Variants in GCNT1 observed in about 807,000 individuals in gnomAD.
The protein encoded by GCNT1 is beta-1,3-galactosyl-O-glycosyl-glycoprotein beta-1,6-N-acetylglucosaminyltransferase.
In GCNT1, 16 loss-of-function variants were observed where a neutral mutation model predicts 26.2. That is an observed-to-expected ratio of 0.61 (90% CI 0.41 to 0.93). The LOEUF (loss-of-function observed/expected upper bound fraction) is 0.93. GCNT1 is among the 40% of genes least tolerant of loss of function. GCNT1 has a pLI of 0.00. For missense variants in GCNT1, 477 were observed against 526.7 expected (o/e 0.91, Z 0.92); for synonymous variants, 183 against 190.8 (o/e 0.96, Z 0.34).
chr9:76,425,137 TAAAAA>T (rs1194003045), intron 1 of GCNT1, among the ~76,000 whole-genome samples: 6 of 73,034 alleles, frequency 8.2e-5, no homozygotes, highest in African/African-American at 5.6e-5. Context: ...AAACTCCGTC[TAAAAA>T]AAAAAAAAAA....
intron 2 of GCNT1, among the ~76,000 whole-genome samples, chr9:76,462,290 A>G (rs1427140632): frequency 6.6e-6 from 1 of 152,206 alleles, no homozygotes; most frequent in Admixed American, 6.5e-5. Flanking sequence ...CTGTTCATAT[A>G]ACCATATGTG....
rs531143296 is a variant in GCNT1, at chr9:76,475,480, C to T, written c.-290+15303C>T. 2.6e-5 allele frequency among the ~76,000 whole-genome samples: 4 copies of T among 152,334 alleles called. 1 individual carries two copies. In the South Asian group the frequency reaches 8.3e-4, roughly 32 times the overall value. On this transcript the variant is annotated intron_variant, in intron 2 of 3. Coordinates refer to ENST00000376730, the MANE Select transcript of GCNT1 (RefSeq NM_001490.5). Reference sequence around the variant, plus strand: ...ACAAAGCATCCAAGATGCTGCCCTACATTTTTTGGGAGAAAGGAAGTGGAT... The same window carrying T: ...ACAAAGCATCCAAGATGCTGCCCTATATTTTTTGGGAGAAAGGAAGTGGAT...
chr9:76,433,967 T>C (rs1823371123), intron 1 of GCNT1, among the ~76,000 whole-genome samples: 1 of 152,170 alleles, frequency 6.6e-6, no homozygotes. Context: ...TTCAAAGTTA[T>C]ATAAAAATAA....
chr9:76,443,086 G>A (rs963181882), intron 1 of GCNT1, among the ~76,000 whole-genome samples: 1 of 152,100 alleles, frequency 6.6e-6, no homozygotes, highest in African/African-American at 2.4e-5. Flanking sequence ...TAGAGGCCAG[G>A]TTCAATGGCT....
At chr9:76,491,273 C>T (rs1297148349) in intron 2 of GCNT1, among the ~76,000 whole-genome samples, 1 of 151,856 alleles carries the variant, frequency 6.6e-6, no homozygotes, top group Non-Finnish European at 1.5e-5. Context: ...CTGGTCTTTC[C>T]CTGCCTCTGC....
chr9:76,487,688 G>T lies in GCNT1; in HGVS notation c.-289-13228G>T, dbSNP rs558344807. ...GGGATTCTCTTTTTTTTCTTCTTCG[G>T]TTAGATCTCCTTTCTGATTCTTACA... On this transcript the variant is annotated intron_variant, in intron 2 of 3. Transcript: ENST00000376730. Among the ~76,000 whole-genome samples the T allele has an allele frequency of 1.5e-3, 227 of 152,034 alleles. 8 individuals carry two copies. The South Asian group carries it at 0.045, about 30-fold the overall frequency.
the GCNT1 span, among the ~76,000 whole-genome samples, chr9:76,408,636 C>T: frequency 2.0e-5 from 3 of 152,082 alleles, no homozygotes; most frequent in Non-Finnish European, 4.4e-5. Flanking sequence ...TAGGATAATG[C>T]TGGTCTCATA....
chr9:76,445,487 A>T (rs6560523), intron 1 of GCNT1, among the ~76,000 whole-genome samples: 13,376 of 151,944 alleles, frequency 0.088, 705 homozygotes, highest in East Asian at 0.14. Flanking sequence ...TCTTGGGCTC[A>T]AGCGATTCTT....
At chr9:76,443,910 GAAGAAAGGAAGAAAGGAAGA>G (rs1823524103) in intron 1 of GCNT1, among the ~76,000 whole-genome samples, 4 of 55,190 alleles carry the variant, frequency 7.2e-5, no homozygotes, top group African/African-American at 2.9e-4. Context: ...AGGAAGAAAG[GAAGAAAGGAAGAAAGGAAGA>G]AAGGAAGGAA....
chr9:76,436,187 G>A (rs1823407052), intron 1 of GCNT1, among the ~76,000 whole-genome samples: 1 of 151,270 alleles, frequency 6.6e-6, no homozygotes, highest in African/African-American at 2.4e-5. Context: ...CCTGACCTCA[G>A]GTGATCCACC....
At chr9:76,431,769 G>A (rs968597125) in intron 1 of GCNT1, among the ~76,000 whole-genome samples, 1 of 152,096 alleles carries the variant, frequency 6.6e-6, no homozygotes, top group South Asian at 2.1e-4. Flanking sequence ...AGCCATCCAA[G>A]AGCCTGCCAT....
At chr9:76,399,264 T>C in the GCNT1 span, 10 of 1,454,270 alleles carry the variant, frequency 6.9e-6, no homozygotes, top group East Asian at 1.6e-4. Context: ...TGTAGCACGA[T>C]TTCCTATGAC....
chr9:76,438,799 G>GA (rs113875725), upstream of GCNT1, among the ~76,000 whole-genome samples: 20,297 of 134,826 alleles, frequency 0.15, 2,092 homozygotes, highest in African/African-American at 0.3. Flanking sequence ...TAGCCAATGA[G>GA]AAAAAAAAAA....
intron 1 of GCNT1, among the ~76,000 whole-genome samples, chr9:76,454,109 G>A (rs141906297): frequency 1.1e-3 from 162 of 152,062 alleles, no homozygotes; most frequent in African/African-American, 3.7e-3. Flanking sequence ...GGCTGAGTGC[G>A]GTGGCTCATG....
chr9:76,421,689 G>GTTTTTTTTTT (rs1182829928), intron 1 of GCNT1, among the ~76,000 whole-genome samples: 1 of 74,766 alleles, frequency 1.3e-5, no homozygotes, highest in Non-Finnish European at 2.3e-5. Context: ...TTTGTAGGTT[G>GTTTTTTTTTT]TTTTTTTTTT....
intron 2 of GCNT1, among the ~76,000 whole-genome samples, chr9:76,492,092 G>C (rs1824756382): frequency 6.6e-6 from 1 of 152,184 alleles, no homozygotes; most frequent in African/African-American, 2.4e-5. Context: ...CCATGAGTCT[G>C]AGTAAGGACG....
upstream of GCNT1, among the ~76,000 whole-genome samples, chr9:76,439,565 A>G (rs1823454454): frequency 6.6e-6 from 1 of 151,394 alleles, no homozygotes; most frequent in Admixed American, 6.6e-5. Context: ...AATGAAAAAA[A>G]AATTTTGTCT....
intron 2 of GCNT1, among the ~76,000 whole-genome samples, chr9:76,475,479 A>G (rs1473789314): frequency 6.6e-6 from 1 of 152,212 alleles, no homozygotes; most frequent in Admixed American, 6.5e-5. Flanking sequence ...ATGCTGCCCT[A>G]CATTTTTTGG....
intron 2 of GCNT1, among the ~76,000 whole-genome samples, chr9:76,463,037 C>T (rs1374702290): frequency 6.6e-6 from 1 of 152,108 alleles, no homozygotes; most frequent in East Asian, 1.9e-4. Flanking sequence ...TCTGAAAAAT[C>T]TCGACTTTCT....
Sources: gnomAD v4.1 joint callset for allele counts (sites outside exome capture counted in the v4.1 genomes callset) on GRCh38, gnomAD v4.1.1 for gene constraint, MANE v1.5 for transcripts, NCBI Gene and HGNC (gene_info 2026-07-23, HGNC 2026-07-21) for gene names.